MRRF: variants seen among roughly 807,000 people sequenced by gnomAD.
MRRF encodes ribosome-recycling factor, mitochondrial.
MRRF carries 18 observed loss-of-function variants against 25.1 expected under a neutral mutation model. The ratio of observed to expected loss-of-function variants is 0.72; its 90% confidence interval spans 0.50 to 1.06. The LOEUF is 1.06. Ranked by LOEUF, MRRF falls within the 50% of genes least tolerant of loss-of-function variation. The probability of loss-of-function intolerance (pLI) is 0.00; values close to 1 mark genes in which losing one functional copy is unlikely to be tolerated. For synonymous variants in MRRF, 113 were observed against 112.1 expected (o/e 1.01, Z -0.05); for missense variants, 323 against 319.3 (o/e 1.01, Z -0.09).
Position 122,325,749 on chromosome 9 carries a change from C to G in MRRF, c.*3132C>G, listed in dbSNP as rs1836120017. On this transcript the variant is annotated 3_prime_UTR_variant, in exon 7 of 7. Transcript: ENST00000344641. ...AAAAAAATCTCACCAGGCCCTACTC[C>G]TTTAAAATTAGGTATATATCTTTCC... 6.9e-6 allele frequency: 1 copy of G among 144,054 alleles called. No homozygotes were observed. The highest frequency in any genetic ancestry group is 1.5e-5 in the Non-Finnish European group (1 of 66,808). 8.9% of individuals were successfully genotyped at this position (144,054 alleles called of 1,614,324 possible).
In MRRF at chr9:122,326,769, C is replaced by A. The variant is rs569119395; in HGVS notation, c.*4152C>A. On this transcript the variant is annotated 3_prime_UTR_variant, in exon 7 of 7. Coordinates refer to ENST00000344641, the MANE Select transcript of MRRF (RefSeq NM_138777.5). The stretch of plus-strand genomic sequence containing the variant: ...CAGTCGGCCAGGTTCCATGCTAGAC[C>A]CTTTACACGTGTTCCCACATTGAAA... 4 of 152,002 alleles carry A rather than the reference C, an allele frequency of 2.6e-5. No individual in the cohort carries two copies. Among genetic ancestry groups the A allele is most frequent in the Non-Finnish European group, 5.9e-5 (4 of 68,014 alleles). The allele number at this position is 152,002 out of a possible 1,614,324, so 9.4% of individuals were successfully genotyped here. A position where few individuals can be genotyped will look rare whatever the true frequency, so the allele number is the denominator to read the frequency against.
chr9:122,280,315 G>A (rs1833021389), intron 2 of MRRF, 128 bp from the exon 3 acceptor site: 2 of 1,002,144 alleles, frequency 2.0e-6, no homozygotes, highest in Middle Eastern at 2.6e-4. Flanking sequence ...TTTTAGTGGA[G>A]CGATAATGTT....
At chr9:122,314,457 G>C (rs1030957926) in intron 6 of MRRF, among the ~76,000 whole-genome samples, 1 of 152,180 alleles carries the variant, frequency 6.6e-6, no homozygotes, top group Non-Finnish European at 1.5e-5. Context: ...TATATTTATG[G>C]AGGTCTGGGG....
rs993518675 is a variant in MRRF at position 122,324,553 on chromosome 9, G to C, written c.*1936G>C. On this transcript the variant is annotated 3_prime_UTR_variant, in exon 7 of 7. Transcript: ENST00000344641. Reference sequence around the variant, plus strand: ...AAGATATGACCCCTGTTTTGGGGGGGTACATAGTGCACTGAACTAAATTGC... The same window carrying C: ...AAGATATGACCCCTGTTTTGGGGGGCTACATAGTGCACTGAACTAAATTGC... 2 of 152,212 alleles carry C rather than the reference G, an allele frequency of 1.3e-5. No homozygotes were observed. Among genetic ancestry groups the C allele is most frequent in the African/African-American group, 4.8e-5 (2 of 41,442 alleles). 9.4% of individuals were successfully genotyped at this position (152,212 alleles called of 1,614,324 possible).
At chr9:122,308,189 G>A (rs1834979815) in intron 5 of MRRF, among the ~76,000 whole-genome samples, 1 of 152,076 alleles carries the variant, frequency 6.6e-6, no homozygotes, top group South Asian at 2.1e-4. Flanking sequence ...AGCGGAAAAG[G>A]CTTCCTCACC....
chr9:122,323,993 A>G lies in MRRF; in HGVS notation c.*1376A>G, dbSNP rs567462227. On this transcript the variant is annotated 3_prime_UTR_variant, in exon 7 of 7. Coordinates refer to ENST00000344641, the MANE Select transcript of MRRF (RefSeq NM_138777.5). ...AAACTTTTTTTCCTTTTGTACTTTCACACTCAACATGGAACACTTCTGTGA... is the reference window on the plus strand; with the variant it reads ...AAACTTTTTTTCCTTTTGTACTTTCGCACTCAACATGGAACACTTCTGTGA... 1.3e-5 allele frequency: 2 copies of G among 152,282 alleles called. No homozygotes were observed. The highest frequency in any genetic ancestry group is 3.9e-4 in the East Asian group (2 of 5,184). 9.4% of individuals were successfully genotyped at this position (152,282 alleles called of 1,614,324 possible).
intron 5 of MRRF, among the ~76,000 whole-genome samples, chr9:122,292,154 A>T (rs1833813045): frequency 6.6e-6 from 1 of 152,216 alleles, no homozygotes; most frequent in Non-Finnish European, 1.5e-5. Flanking sequence ...AAGAAAAGAC[A>T]GTGGGATCCA....
At chr9:122,297,497 A>G (rs1474095214) in intron 5 of MRRF, among the ~76,000 whole-genome samples, 1 of 151,930 alleles carries the variant, frequency 6.6e-6, no homozygotes, top group Non-Finnish European at 1.5e-5. Flanking sequence ...ACAGTGTGCC[A>G]TTGCTCTCTG....
At chr9:122,316,833 A>C (rs897698392) in intron 6 of MRRF, among the ~76,000 whole-genome samples, 3 of 151,778 alleles carry the variant, frequency 2.0e-5, no homozygotes, top group Non-Finnish European at 4.4e-5. Flanking sequence ...AAAAAAAAAA[A>C]AACTACATAG....
At position 122,277,891 on chromosome 9, in the gene MRRF, TC is replaced by T. The variant is rs1391184002; in HGVS notation, c.185-2551del. Among the ~76,000 whole-genome samples, 7 of 152,250 alleles carry T rather than the reference TC, an allele frequency of 4.6e-5. No individual in the cohort carries two copies. In the East Asian group the frequency reaches 1.3e-3, roughly 29 times the overall value. ...CTTTATATCATGTTTTTTCCTTTTT[TC>T]TTTTTTTTAAATGCATATTTAAAAA... On this transcript the variant is annotated intron_variant, in intron 2 of 6. Transcript: ENST00000344641.
rs1395295195 is a variant in MRRF, at chr9:122,327,249, G to A, written c.*4632G>A. The A allele has an allele frequency of 6.6e-6, 1 of 152,132 alleles. No homozygotes were observed. Among genetic ancestry groups the A allele is most frequent in the Non-Finnish European group, 1.5e-5 (1 of 68,046 alleles). 9.4% of individuals were successfully genotyped at this position (152,132 alleles called of 1,614,324 possible). ...GCAAGCAAAATGTTCACCAAGCAGTGAATAATGATAATAATAACAACAATA... is the reference window on the plus strand; with the variant it reads ...GCAAGCAAAATGTTCACCAAGCAGTAAATAATGATAATAATAACAACAATA... On this transcript the variant is annotated 3_prime_UTR_variant, in exon 7 of 7. Transcript: ENST00000344641.
intron 5 of MRRF, among the ~76,000 whole-genome samples, chr9:122,312,742 C>G (rs921365147): frequency 6.6e-6 from 1 of 152,042 alleles, no homozygotes; most frequent in Admixed American, 6.5e-5. Context: ...CCTTGCAAGA[C>G]TGTCTGTGAT....
At chr9:122,272,584 G>C (rs532918084) in intron 2 of MRRF, among the ~76,000 whole-genome samples, 43 of 152,214 alleles carry the variant, frequency 2.8e-4, no homozygotes, top group Non-Finnish European at 6.0e-4. Flanking sequence ...AGGATGGCTT[G>C]AGGTGAGGAG....
At chr9:122,284,571 A>G (rs1459066976) in intron 3 of MRRF, among the ~76,000 whole-genome samples, 3 of 152,196 alleles carry the variant, frequency 2.0e-5, no homozygotes, top group Non-Finnish European at 4.4e-5. Flanking sequence ...GAGGGTGATC[A>G]GCTGTTTCCA....
intron 6 of MRRF, among the ~76,000 whole-genome samples, chr9:122,320,405 G>A (rs1417169421): frequency 6.6e-6 from 1 of 152,030 alleles, no homozygotes. Flanking sequence ...CCTCCTCCCA[G>A]TCCCCATCCC....
At chr9:122,266,033 G>A (rs545239601) in intron 1 of MRRF, among the ~76,000 whole-genome samples, 2 of 152,212 alleles carry the variant, frequency 1.3e-5, no homozygotes, top group Non-Finnish European at 2.9e-5. Flanking sequence ...ATAATAGTAA[G>A]GGTAGATTCC....
chr9:122,269,745 A>AT (rs1360200308), intron 1 of MRRF, among the ~76,000 whole-genome samples: 1 of 152,054 alleles, frequency 6.6e-6, no homozygotes, highest in African/African-American at 2.4e-5. Context: ...TAAAGATAAT[A>AT]TTTTTTTAAA....
At chr9:122,280,734 G>C (rs1467051637) in intron 3 of MRRF, 136 bp downstream of exon 3, 2 of 744,378 alleles carry the variant, frequency 2.7e-6, no homozygotes, top group Non-Finnish European at 4.6e-6. Flanking sequence ...CTGGTCCTCG[G>C]TTTTCTTGTT....
chr9:122,265,447 ATT>A, intron 1 of MRRF: 1 of 318,758 alleles, frequency 3.1e-6, no homozygotes, highest in Non-Finnish European at 6.2e-6. Context: ...TAGTATTGTC[ATT>A]TACGTTTTAC....
Sources: allele counts gnomAD v4.1 joint callset (sites outside exome capture counted in the v4.1 genomes callset), GRCh38; gene constraint gnomAD v4.1.1; transcripts MANE v1.5; gene names NCBI Gene and HGNC (gene_info 2026-07-23, HGNC 2026-07-21).